RB1: variants seen among roughly 807,000 people sequenced by gnomAD.
RB1 encodes the protein retinoblastoma-associated protein.
A neutral mutation model predicts 135.4 loss-of-function variants in RB1; 18 were observed. The ratio of observed to expected loss-of-function variants is 0.13; its 90% CI spans 0.09 to 0.20. The LOEUF (loss-of-function observed/expected upper bound fraction) is 0.20, where lower values mean the gene tolerates loss of function less well. Among genes scored for constraint, RB1 ranks in the 10% least tolerant of loss-of-function variants. RB1 has a pLI of 1.00. For missense variants in RB1, 868 were observed against 1,110.0 expected (o/e 0.78, Z 3.10); for synonymous variants, 365 against 373.2 (o/e 0.98, Z 0.25).
At chr13:48,474,520 A>G (rs1444511956) in intron 24 of RB1, among the ~76,000 whole-genome samples, 1 of 152,200 alleles carries the variant, frequency 6.6e-6, no homozygotes, top group Non-Finnish European at 1.5e-5. Flanking sequence ...AAATTCACTC[A>G]TTATGAGTGT....
chr13:48,366,126 T>C (rs1275474261), intron 9 of RB1, among the ~76,000 whole-genome samples: 1 of 152,188 alleles, frequency 6.6e-6, no homozygotes, highest in Non-Finnish European at 1.5e-5. Flanking sequence ...AATTAAAATA[T>C]GGTACTGAAG....
At chr13:48,367,674 G>C (rs1952717818) in intron 10 of RB1, 71 bp downstream of exon 10, 2 of 1,525,870 alleles carry the variant, frequency 1.3e-6, no homozygotes, top group East Asian at 2.3e-5. Context: ...AGATTATATA[G>C]TCTTTAGCTT....
chr13:48,417,460 G>A (rs1487433495), intron 17 of RB1: 1 of 152,188 alleles, frequency 6.6e-6, no homozygotes, highest in Non-Finnish European at 1.5e-5. Context: ...ATAAATCCAT[G>A]AAGATGAGGA....
At chr13:48,424,603 C>CTT (rs5803436) in intron 17 of RB1, among the ~76,000 whole-genome samples, 3 of 152,194 alleles carry the variant, frequency 2.0e-5, no homozygotes, top group South Asian at 4.2e-4. Context: ...TCTTCCTTAT[C>CTT]TTTTTTTCCG....
chr13:48,454,398 T>G (rs911242836), intron 18 of RB1, among the ~76,000 whole-genome samples: 1 of 152,228 alleles, frequency 6.6e-6, no homozygotes, highest in African/African-American at 2.4e-5. Flanking sequence ...AGACCCTGCC[T>G]TCATGTATAC....
intron 17 of RB1, chr13:48,429,332 TG>T (rs2138272099): frequency 6.6e-6 from 1 of 152,338 alleles, no homozygotes; most frequent in East Asian, 1.9e-4. Flanking sequence ...GGAAGATCAC[TG>T]GAGCCCAGGA....
chr13:48,308,776 G>A (rs1399628317), intron 2 of RB1, among the ~76,000 whole-genome samples: 1 of 152,096 alleles, frequency 6.6e-6, no homozygotes, highest in Non-Finnish European at 1.5e-5. Flanking sequence ...TTTAACAGAT[G>A]AAGACACTGA....
intron 19 of RB1, among the ~76,000 whole-genome samples, 186 bp from the exon 20 acceptor site, chr13:48,459,502 G>C (rs553528852): frequency 3.9e-5 from 6 of 152,162 alleles, no homozygotes; most frequent in Admixed American, 3.9e-4. Context: ...TGTATCCCTT[G>C]TAATATGCCT....
chr13:48,311,102 T>G (rs775986229), intron 2 of RB1, among the ~76,000 whole-genome samples: 6 of 152,184 alleles, frequency 3.9e-5, no homozygotes, highest in Non-Finnish European at 8.8e-5. Context: ...GTAATTATAT[T>G]GTAGCTATAT....
chr13:48,407,135 G>A (rs1948747811), intron 17 of RB1, among the ~76,000 whole-genome samples: 1 of 152,224 alleles, frequency 6.6e-6, no homozygotes, highest in Non-Finnish European at 1.5e-5. Flanking sequence ...GCTGCTGTAA[G>A]TATACAACAC....
chr13:48,365,101 T>C, intron 9 of RB1, 130 bp downstream of exon 9: 1 of 1,178,926 alleles, frequency 8.5e-7, no homozygotes, highest in South Asian at 1.9e-5. Context: ...TCTAGCCAAG[T>C]AGAATTGTGG....
intron 8 of RB1, among the ~76,000 whole-genome samples, chr13:48,363,604 T>C (rs1050030269): frequency 2.6e-5 from 4 of 152,136 alleles, no homozygotes; most frequent in Admixed American, 2.6e-4. Context: ...AAAACTCTAG[T>C]GCTCTAGTGT....
intron 11 of RB1, 147 bp downstream of exon 11, chr13:48,368,751 A>G (rs1417572001): frequency 2.4e-6 from 3 of 1,249,028 alleles, no homozygotes; most frequent in Non-Finnish European, 3.2e-6. Flanking sequence ...CACACCTGTA[A>G]TCCCAGCACT....
intron 10 of RB1, among the ~76,000 whole-genome samples, chr13:48,368,269 CA>C (rs1952723688): frequency 6.6e-6 from 1 of 152,036 alleles, no homozygotes. Context: ...ATCTGACTTT[CA>C]CTTTTAAAAA....
At chr13:48,353,084 T>A (rs1298289687) in intron 6 of RB1, among the ~76,000 whole-genome samples, 1 of 151,864 alleles carries the variant, frequency 6.6e-6, no homozygotes, top group Non-Finnish European at 1.5e-5. Context: ...AAACCCAAAA[T>A]TAGTAGAAGA....
At chr13:48,345,940 G>A (rs1420440315) in intron 4 of RB1, among the ~76,000 whole-genome samples, 2 of 152,040 alleles carry the variant, frequency 1.3e-5, no homozygotes, top group East Asian at 3.9e-4. Context: ...TTAGGAGGAT[G>A]GCTCTATTTT....
chr13:48,372,234 C>T (rs1197451690), intron 11 of RB1, among the ~76,000 whole-genome samples: 2 of 152,152 alleles, frequency 1.3e-5, no homozygotes, highest in African/African-American at 4.8e-5. Flanking sequence ...TCAAATGCTT[C>T]AAGGAAGGTC....
At chr13:48,313,282 T>C (rs1172486788) in intron 2 of RB1, among the ~76,000 whole-genome samples, 1 of 152,124 alleles carries the variant, frequency 6.6e-6, no homozygotes, top group Non-Finnish European at 1.5e-5. Context: ...TTGCAGACTT[T>C]TCCCCCCATT....
rs149997717 is a variant in RB1 at position 48,389,084 on chromosome 13, C to T, written c.1695+7641C>T. ...CTGAGGCATGAGAATCGCTTGAGCC[C>T]GGGAGGCGGAGGTTGAGTGAGCCAA... On this transcript the variant is annotated intron_variant, in intron 17 of 26. Transcript: ENST00000267163. Among the ~76,000 whole-genome samples the T allele has an allele frequency of 2.7e-3, 403 of 151,988 alleles. 3 individuals carry two copies. Among genetic ancestry groups the T allele is most frequent in the African/African-American group, 9.0e-3 (371 of 41,430 alleles).
Sources: gnomAD v4.1 joint callset for allele counts (sites outside exome capture counted in the v4.1 genomes callset) on GRCh38, gnomAD v4.1.1 for gene constraint, MANE v1.5 for transcripts, NCBI Gene and HGNC (gene_info 2026-07-23, HGNC 2026-07-21) for gene names.